The following PARN variants were observed in gnomAD, a reference collection of about 807,000 sequenced individuals.
The protein encoded by PARN is poly(A)-specific ribonuclease PARN.
PARN carries 71 observed loss-of-function variants against 102.8 expected under a neutral mutation model. The observed-to-expected ratio is 0.69, with a 90% confidence interval of 0.57 to 0.84. PARN has a LOEUF of 0.84. PARN is among the 40% of genes least tolerant of loss of function. PARN has a pLI of 0.00. For missense variants in PARN, 782 were observed against 760.9 expected (o/e 1.03, Z -0.33); for synonymous variants, 261 against 252.9 (o/e 1.03, Z -0.30).
At chr16:14,497,671 G>A (rs887128032) in intron 21 of PARN, among the ~76,000 whole-genome samples, 1 of 152,184 alleles carries the variant, frequency 6.6e-6, no homozygotes, top group Non-Finnish European at 1.5e-5. Flanking sequence ...ATATTTTAAG[G>A]CTTACAGGTT....
intron 21 of PARN, among the ~76,000 whole-genome samples, chr16:14,495,599 A>G (rs1447226157): frequency 6.6e-6 from 1 of 152,196 alleles, no homozygotes; most frequent in Non-Finnish European, 1.5e-5. Flanking sequence ...CCACAGCGAG[A>G]GGAGAGTGAG....
intron 21 of PARN, among the ~76,000 whole-genome samples, chr16:14,523,988 C>T (rs1265551950): frequency 2.6e-5 from 4 of 151,854 alleles, no homozygotes; most frequent in Non-Finnish European, 5.9e-5. Flanking sequence ...CGGTAGGCAA[C>T]TGTAACACAA....
At chr16:14,596,357 T>C (rs1970511269) in intron 12 of PARN, among the ~76,000 whole-genome samples, 1 of 152,008 alleles carries the variant, frequency 6.6e-6, no homozygotes. Flanking sequence ...GTAAAAATCC[T>C]AGATAATAAT....
intron 12 of PARN, 113 bp from the exon 13 acceptor site, chr16:14,593,491 TTAAAAAAAAAAAAAAAAA>T: frequency 1.8e-4 from 5 of 27,438 alleles, no homozygotes; most frequent in African/African-American, 4.6e-4. Context: ...CTTTCCAGAC[TTAAAAAAAAAAAAAAAAA>T]AAAAAAAAAA....
At chr16:14,444,272 T>C (rs1250696361) in intron 23 of PARN, among the ~76,000 whole-genome samples, 4 of 151,646 alleles carry the variant, frequency 2.6e-5, no homozygotes, top group Non-Finnish European at 5.9e-5. Context: ...TCAAGTTCTC[T>C]GATTCAATTA....
chr16:14,618,497 A>G (rs1459911822), intron 5 of PARN, among the ~76,000 whole-genome samples: 6 of 150,820 alleles, frequency 4.0e-5, no homozygotes, highest in African/African-American at 1.5e-4. Context: ...CTGTCTCAAA[A>G]AAAAAAAAAA....
intron 21 of PARN, among the ~76,000 whole-genome samples, chr16:14,497,139 C>A (rs560537284): frequency 6.6e-6 from 1 of 152,150 alleles, no homozygotes; most frequent in African/African-American, 2.4e-5. Context: ...CACTCTCATA[C>A]GTCCTTTTCT....
chr16:14,575,524 A>G (rs1264154419), intron 18 of PARN, among the ~76,000 whole-genome samples: 1 of 152,134 alleles, frequency 6.6e-6, no homozygotes, highest in East Asian at 1.9e-4. Flanking sequence ...CACAGGTAAT[A>G]AGAGCCTGTA....
chr16:14,577,402 T>C (rs1969211072), intron 18 of PARN, among the ~76,000 whole-genome samples: 1 of 152,166 alleles, frequency 6.6e-6, no homozygotes, highest in African/African-American at 2.4e-5. Flanking sequence ...TTTTCCTTCT[T>C]TTTTCTTTTT....
Position 14,610,689 on chromosome 16 carries a change from G to A in PARN, c.509C>T (p.Pro170Leu), listed in dbSNP as rs1259777899. The change falls in exon 7 of 24, where the codon CCT (proline) becomes CTT (leucine). Residue 170 changes from proline to leucine, a missense_variant. Physicochemically the swap from Pro to Leu is moderately conservative, Grantham distance 98. Coordinates refer to ENST00000437198, the MANE Select transcript of PARN (RefSeq NM_002582.4). Reference sequence around the variant, plus strand: ...CTTTTGATCCTCAGGAATCGTGACAGGACATTTTGAAGTGTTAGGAGATAC... The same window carrying A: ...CTTTTGATCCTCAGGAATCGTGACAAGACATTTTGAAGTGTTAGGAGATAC... The part of the protein sequence containing the change: ...SYVSPNTSKC[P>L]VTIPEDQKKF... 1.9e-6 allele frequency: 3 copies of A among 1,611,060 alleles called. No homozygotes were observed. Among genetic ancestry groups the A allele is most frequent in the East Asian group, 4.5e-5 (2 of 44,862 alleles).
At chr16:14,610,389 C>T (rs2151797117) in intron 7 of PARN, among the ~76,000 whole-genome samples, 1 of 150,944 alleles carries the variant, frequency 6.6e-6, no homozygotes, top group East Asian at 1.9e-4. Flanking sequence ...ACAAGAATTG[C>T]TTGAACCTAG....
chr16:14,460,888 C>A (rs899005427), intron 22 of PARN, among the ~76,000 whole-genome samples: 15 of 152,194 alleles, frequency 9.9e-5, no homozygotes, highest in Non-Finnish European at 1.5e-5. Flanking sequence ...CAGTGACTTC[C>A]TTTCAAACAG....
chr16:14,486,533 T>C (rs925802539), intron 21 of PARN, among the ~76,000 whole-genome samples: 4 of 152,230 alleles, frequency 2.6e-5, no homozygotes, highest in African/African-American at 9.6e-5. Flanking sequence ...TCCCAGCTGA[T>C]AGACAAATGT....
intron 21 of PARN, among the ~76,000 whole-genome samples, chr16:14,501,128 A>G (rs76838157): frequency 0.047 from 7,213 of 151,880 alleles, 613 homozygotes; most frequent in African/African-American, 0.16. Context: ...CCACCTTTAC[A>G]TAGTATATAA....
At position 14,486,066 on chromosome 16, in the gene PARN, C is replaced by T. The variant is rs973277291; in HGVS notation, c.1481-3239G>A. On this transcript the variant is annotated intron_variant, in intron 21 of 23. Coordinates refer to ENST00000437198, the MANE Select transcript of PARN (RefSeq NM_002582.4). ...AAAAGGGATGACATCTGCAATAATC[C>T]CTCTGTTGCCAGGTGTGGTCGCTCA... Among the ~76,000 whole-genome samples, 5 of 152,228 alleles carry T rather than the reference C, an allele frequency of 3.3e-5. No homozygotes were observed. The East Asian group carries it at 9.7e-4, about 29-fold the overall frequency.
At chr16:14,485,479 T>C (rs533715407) in intron 21 of PARN, among the ~76,000 whole-genome samples, 1 of 152,334 alleles carries the variant, frequency 6.6e-6, no homozygotes, top group Non-Finnish European at 1.5e-5. Context: ...CCCTGTCACA[T>C]ACCAGATTTA....
chr16:14,491,453 A>G (rs1815840530), intron 21 of PARN, among the ~76,000 whole-genome samples: 1 of 152,086 alleles, frequency 6.6e-6, no homozygotes, highest in Admixed American at 6.6e-5. Flanking sequence ...GGAATTCAAC[A>G]TATGATCATA....
In PARN at chr16:14,622,201, TAAA is replaced by T. The variant is rs143728169; in HGVS notation, c.328-4554_328-4552del. Among the ~76,000 whole-genome samples, 499 of 151,904 alleles carry T rather than the reference TAAA, an allele frequency of 3.3e-3. 19 individuals carry two copies. The East Asian group carries it at 0.077, about 24-fold the overall frequency. ...GAGTGAGACTCCGTCTCAAAAAAAA[TAAA>T]AAGATTCAAGACATGAGAACAGATA... On this transcript the variant is annotated intron_variant, in intron 5 of 23. Coordinates refer to ENST00000437198, the MANE Select transcript of PARN (RefSeq NM_002582.4).
chr16:14,590,648 A>G (rs1160182922), intron 13 of PARN, among the ~76,000 whole-genome samples: 4 of 151,946 alleles, frequency 2.6e-5, no homozygotes, highest in Non-Finnish European at 5.9e-5. Context: ...AAAAAAAAAA[A>G]AAAAAGAAAT....
Sources: allele counts gnomAD v4.1 joint callset (sites outside exome capture counted in the v4.1 genomes callset), GRCh38; gene constraint gnomAD v4.1.1; transcripts MANE v1.5; gene names NCBI Gene and HGNC (gene_info 2026-07-23, HGNC 2026-07-21).